The following DIAPH2 variants were observed in gnomAD, a reference collection of about 807,000 sequenced individuals.
The protein encoded by DIAPH2 is diaphanous related formin 2, also known as protein diaphanous homolog 2.
A neutral mutation model predicts 92.7 loss-of-function variants in DIAPH2; 35 were observed. That is an observed-to-expected ratio of 0.38 (90% CI 0.29 to 0.50). DIAPH2 has a LOEUF of 0.50. DIAPH2 is among the 20% of genes least tolerant of loss of function. The pLI is 0.94. For missense variants in DIAPH2, 701 were observed against 819.5 expected (o/e 0.86, Z 1.77); for synonymous variants, 301 against 280.4 (o/e 1.07, Z -0.73).
intron 1 of DIAPH2, among the ~76,000 whole-genome samples, chrX:96,731,199 G>A (rs2064053111): frequency 9.0e-6 from 1 of 111,146 alleles, no homozygotes; most frequent in South Asian, 3.9e-4. Flanking sequence ...CAGGTCACAG[G>A]GGATGCTATG....
At chrX:97,336,981 C>T (rs1213199903) in intron 23 of DIAPH2, among the ~76,000 whole-genome samples, 1 of 110,987 alleles carries the variant, frequency 9.0e-6, no homozygotes, top group Non-Finnish European at 1.9e-5. Context: ...AAAGTGGGGT[C>T]ATTGCAGAAT....
In DIAPH2 at chrX:97,305,776, A is replaced by T. The variant is rs760786290; in HGVS notation, c.2845-42340A>T. ...GAAGTGGAGGTTGCAGTGAGCCAGGATCATGCCATTGCACTCCAGCCTGGG... is the reference window on the plus strand; with the variant it reads ...GAAGTGGAGGTTGCAGTGAGCCAGGTTCATGCCATTGCACTCCAGCCTGGG... On this transcript the variant is annotated intron_variant, in intron 23 of 26. Coordinates refer to ENST00000324765, the MANE Select transcript of DIAPH2 (RefSeq NM_006729.5). 7.7e-5 allele frequency among the ~76,000 whole-genome samples: 8 copies of T among 104,374 alleles called. No individual in the cohort carries two copies. The South Asian group carries it at 3.7e-3, about 48-fold the overall frequency. The allele number at this position is 104,374 out of a possible 115,157, so 90.6% of individuals were successfully genotyped here. A position where few individuals can be genotyped will look rare whatever the true frequency, so the allele number is the denominator to read the frequency against.
chrX:97,406,075 A>G (rs781242368), intron 25 of DIAPH2, among the ~76,000 whole-genome samples: 63 of 111,707 alleles, frequency 5.6e-4, no homozygotes, highest in African/African-American at 1.9e-3. Flanking sequence ...TGCATTGTAC[A>G]TCTTTAGGGA....
At chrX:97,169,967 C>CT (rs1286091242) in intron 22 of DIAPH2, among the ~76,000 whole-genome samples, 1 of 111,719 alleles carries the variant, frequency 9.0e-6, no homozygotes, top group Admixed American at 9.5e-5. Context: ...TGAGTAATTC[C>CT]TTTTTTTGTT....
intron 4 of DIAPH2, among the ~76,000 whole-genome samples, chrX:96,832,600 G>A (rs1446168322): frequency 9.0e-6 from 1 of 111,100 alleles, no homozygotes; most frequent in African/African-American, 3.3e-5. Context: ...GACAGTAGGG[G>A]CAGACCACAA....
At chrX:96,906,574 GA>G (rs1353378351) in intron 5 of DIAPH2, among the ~76,000 whole-genome samples, 1 of 111,172 alleles carries the variant, frequency 9.0e-6, no homozygotes. Context: ...TCCCTATTTT[GA>G]AAATGCAAAA....
chrX:97,433,136 G>C (rs1184688187), intron 26 of DIAPH2, among the ~76,000 whole-genome samples: 2 of 111,197 alleles, frequency 1.8e-5, no homozygotes, highest in Non-Finnish European at 3.8e-5. Context: ...CAGCGGATGT[G>C]CTGTTTCAGT....
At chrX:96,972,468 G>T (rs986834859) in intron 17 of DIAPH2, among the ~76,000 whole-genome samples, 7 of 111,290 alleles carry the variant, frequency 6.3e-5, no homozygotes, top group African/African-American at 2.3e-4. Context: ...GGAAAGAATG[G>T]ATGTCTTGTT....
At chrX:97,244,868 A>T (rs1282610624) in intron 22 of DIAPH2, among the ~76,000 whole-genome samples, 2 of 111,499 alleles carry the variant, frequency 1.8e-5, no homozygotes, top group Non-Finnish European at 3.8e-5. Flanking sequence ...AGGCGGGTGG[A>T]TCACAAGGTC....
intron 26 of DIAPH2, chrX:97,469,811 A>G: frequency 8.5e-7 from 1 of 1,170,962 alleles, no homozygotes; most frequent in South Asian, 2.0e-5. Flanking sequence ...ATAATCAAGT[A>G]GTAAAAGTTT....
chrX:97,076,318 T>C (rs1207260658), intron 19 of DIAPH2, among the ~76,000 whole-genome samples: 1 of 111,289 alleles, frequency 9.0e-6, no homozygotes, highest in Non-Finnish European at 1.9e-5. Context: ...GATCACGAGG[T>C]CAGGAGATCG....
intron 26 of DIAPH2, among the ~76,000 whole-genome samples, chrX:97,480,971 T>C (rs2147816086): frequency 8.9e-6 from 1 of 112,431 alleles, no homozygotes; most frequent in South Asian, 3.7e-4. Flanking sequence ...TTAAGCTGTT[T>C]ACTTCCCCAT....
rs752302538 is a variant in DIAPH2 at position 96,686,125 on chromosome X, GTATTCT to G, written c.132+938_132+943del. 4.8e-3 allele frequency among the ~76,000 whole-genome samples: 536 copies of G among 111,970 alleles called. 5 individuals carry two copies. The highest frequency in any genetic ancestry group is 0.017 in the African/African-American group (511 of 30,805). On this transcript the variant is annotated intron_variant, in intron 1 of 26. Coordinates refer to ENST00000324765, the MANE Select transcript of DIAPH2 (RefSeq NM_006729.5). ...AATTCAGCAGATACTCCTTAGAGCT[GTATTCT>G]TAGTCCAGATCCGAAGCACAAGCCA... is the stretch of plus-strand genomic sequence containing the variant.
rs1569426650 is a variant in DIAPH2 at position 96,916,592 on chromosome X, A to G, written c.869+18A>G. 1 of 1,180,993 alleles carries G rather than the reference A, an allele frequency of 8.5e-7. No individual in the cohort carries two copies. Among genetic ancestry groups the G allele is most frequent in the East Asian group, 3.1e-5 (1 of 32,663 alleles). On this transcript the variant is annotated intron_variant, in intron 8 of 26. Coordinates refer to ENST00000324765, the MANE Select transcript of DIAPH2 (RefSeq NM_006729.5). ...GAGAACATGTAAGTATTGCTATATT[A>G]TTATATTTGCTGCATGGAAAATGAC... is the stretch of plus-strand genomic sequence containing the variant.
rs541681495 is a variant in DIAPH2 at position 96,807,944 on chromosome X, C to CAAAAAAAAAAAAAAAAAAAAAAAAA, written c.447+49701_447+49725dup. Among the ~76,000 whole-genome samples, 6 of 14,490 alleles carry CAAAAAAAAAAAAAAAAAAAAAAAAA rather than the reference C, an allele frequency of 4.1e-4. 1 individual carries two copies. The highest frequency in any genetic ancestry group is 7.3e-4 in the Non-Finnish European group (6 of 8,260). 12.6% of individuals were successfully genotyped at this position (14,490 alleles called of 115,157 possible). A position where few individuals can be genotyped will look rare whatever the true frequency, so the allele number is the denominator to read the frequency against. ...GTGAGATTTGGTATTGTAGAAATAGCAAAAAAAAAAAAAAAAAAAAAAAAA... is the reference window on the plus strand; with the variant it reads ...GTGAGATTTGGTATTGTAGAAATAGCAAAAAAAAAAAAAAAAAAAAAAAAAAAAAAAAAAAAAAAAAAAAAAAAAA... On this transcript the variant is annotated intron_variant, in intron 4 of 26. Coordinates refer to ENST00000324765, the MANE Select transcript of DIAPH2 (RefSeq NM_006729.5).
At chrX:97,148,441 C>A (rs1190037233) in intron 22 of DIAPH2, among the ~76,000 whole-genome samples, 1 of 111,756 alleles carries the variant, frequency 8.9e-6, no homozygotes, top group Non-Finnish European at 1.9e-5. Context: ...AGCCCTTTAG[C>A]GTTATTGGTA....
intron 4 of DIAPH2, among the ~76,000 whole-genome samples, chrX:96,849,713 A>G (rs1209146794): frequency 1.6e-4 from 18 of 111,970 alleles, no homozygotes; most frequent in Admixed American, 1.5e-3. Context: ...TTTCTCATGA[A>G]TGATGAAGTT....
chrX:96,750,736 T>C (rs1432757747), intron 3 of DIAPH2, among the ~76,000 whole-genome samples: 1 of 112,828 alleles, frequency 8.9e-6, no homozygotes, highest in African/African-American at 3.2e-5. Flanking sequence ...AAGGTTATAT[T>C]TTTATCCAAC....
chrX:96,685,378 C>T (rs1312052753), intron 1 of DIAPH2, among the ~76,000 whole-genome samples, 188 bp downstream of exon 1: 1 of 111,814 alleles, frequency 8.9e-6, no homozygotes, highest in Non-Finnish European at 1.9e-5. Flanking sequence ...GAAGAGCACC[C>T]CCTTCTCTAC....
Sources: allele counts gnomAD v4.1 joint callset (sites outside exome capture counted in the v4.1 genomes callset), GRCh38; gene constraint gnomAD v4.1.1; transcripts MANE v1.5; gene names NCBI Gene and HGNC (gene_info 2026-07-23, HGNC 2026-07-21).